Variants in ZEB1 observed in about 807,000 individuals in gnomAD.
ZEB1 encodes zinc finger E-box binding homeobox 1, also known as zinc finger E-box-binding homeobox 1.
In ZEB1, 21 loss-of-function variants were observed where a neutral mutation model predicts 84.9. That is an observed-to-expected ratio of 0.25 (90% CI 0.18 to 0.36). The LOEUF (loss-of-function observed/expected upper bound fraction) is 0.36. Ranked by LOEUF, ZEB1 falls within the 10% of genes least tolerant of loss-of-function variation. ZEB1 has a pLI of 1.00. For missense variants in ZEB1, 1,104 were observed against 1,330.2 expected (o/e 0.83, Z 2.65); for synonymous variants, 420 against 471.1 (o/e 0.89, Z 1.41).
At chr10:31,507,609 A>G (rs1034978789) in intron 4 of ZEB1, among the ~76,000 whole-genome samples, 2 of 151,738 alleles carry the variant, frequency 1.3e-5, no homozygotes, top group African/African-American at 4.8e-5. Context: ...GACCTAATCT[A>G]TTGCTGAAGC....
intron 1 of ZEB1, among the ~76,000 whole-genome samples, chr10:31,331,081 CTTTTTTTTTTTTTTTTTTT>C (rs548615284): frequency 1.3e-5 from 1 of 77,872 alleles, no homozygotes; most frequent in Admixed American, 1.3e-4. Context: ...TTCTTTCTTT[CTTTTTTTTTTTTTTTTTTT>C]TTTTTTTGAG....
intron 2 of ZEB1, among the ~76,000 whole-genome samples, chr10:31,469,577 C>T (rs1023373104): frequency 3.9e-5 from 6 of 152,198 alleles, no homozygotes; most frequent in Non-Finnish European, 8.8e-5. Flanking sequence ...CACGGAGTCT[C>T]GCTGATTGCT....
chr10:31,342,618 A>G (rs960586534), intron 1 of ZEB1, among the ~76,000 whole-genome samples: 6 of 152,176 alleles, frequency 3.9e-5, no homozygotes, highest in Non-Finnish European at 7.4e-5. Flanking sequence ...TTATGATACC[A>G]TCCTCATAAA....
intron 1 of ZEB1, among the ~76,000 whole-genome samples, chr10:31,364,640 G>A (rs1346586261): frequency 6.6e-6 from 1 of 152,200 alleles, no homozygotes; most frequent in Non-Finnish European, 1.5e-5. Context: ...TGACCTGACT[G>A]GATGCACCTC....
chr10:31,411,667 GAGAGAAATTTATAGCACTAAA>G (rs2054309012), intron 1 of ZEB1, among the ~76,000 whole-genome samples: 1 of 149,266 alleles, frequency 6.7e-6, no homozygotes, highest in East Asian at 2.0e-4. Context: ...GCAGCATTAG[GAGAGAAATTTATAGCACTAAA>G]TGCTATAAAT....
At chr10:31,438,513 C>T (rs1206006212) in intron 1 of ZEB1, among the ~76,000 whole-genome samples, 1 of 151,936 alleles carries the variant, frequency 6.6e-6, no homozygotes, top group East Asian at 1.9e-4. Flanking sequence ...TCCTATTCAC[C>T]GTGATAACAA....
intron 2 of ZEB1, among the ~76,000 whole-genome samples, chr10:31,465,399 G>T (rs1193711867): frequency 6.6e-6 from 1 of 151,242 alleles, no homozygotes; most frequent in Non-Finnish European, 1.5e-5. Context: ...AAGCCTTTTG[G>T]ATAATTAAAA....
intron 1 of ZEB1, among the ~76,000 whole-genome samples, chr10:31,356,482 C>T (rs868304541): frequency 2.6e-5 from 4 of 152,052 alleles, no homozygotes; most frequent in Non-Finnish European, 5.9e-5. Flanking sequence ...GAATTTAACC[C>T]TTTTGTTTCA....
intron 1 of ZEB1, chr10:31,320,375 C>T (rs919137362): frequency 6.6e-6 from 1 of 151,998 alleles, no homozygotes; most frequent in African/African-American, 2.4e-5. Context: ...GCGTGCGCCT[C>T]GCGCTTTTCT....
intron 7 of ZEB1, 47 bp from the exon 8 acceptor site, chr10:31,523,886 T>TAAAC (rs765142161): frequency 3.8e-6 from 6 of 1,593,030 alleles, no homozygotes; most frequent in Non-Finnish European, 4.3e-6. Context: ...ATCTCTTGTT[T>TAAAC]ATCTTTTAAT....
intron 1 of ZEB1, among the ~76,000 whole-genome samples, chr10:31,448,658 T>C (rs1261639413): frequency 6.6e-6 from 1 of 151,906 alleles, no homozygotes; most frequent in Admixed American, 6.6e-5. Flanking sequence ...GCAGGTCTGT[T>C]GGAATACCCT....
chr10:31,319,145 A>AG, upstream of ZEB1: 1 of 296,388 alleles, frequency 3.4e-6, no homozygotes, highest in Non-Finnish European at 5.4e-6. Context: ...TGCGGTGGGG[A>AG]GGGGGGAGGG....
intron 2 of ZEB1, among the ~76,000 whole-genome samples, chr10:31,465,803 A>T (rs942648128): frequency 4.6e-5 from 7 of 151,954 alleles, no homozygotes; most frequent in African/African-American, 1.7e-4. Context: ...AAAAACTTTC[A>T]TGGAAAGATG....
intron 1 of ZEB1, among the ~76,000 whole-genome samples, chr10:31,444,729 T>G (rs1477071544): frequency 6.6e-6 from 1 of 152,084 alleles, no homozygotes; most frequent in Admixed American, 6.5e-5. Flanking sequence ...GTCGTAGGTA[T>G]GCGGCGTTAT....
chr10:31,502,484 A>G lies in ZEB1; in HGVS notation c.459A>G (p.Pro153=), dbSNP rs750975461. Residue 153 remains proline, a synonymous_variant, in exon 4 of 9, where the codon CCA becomes CCG. Coordinates refer to ENST00000424869, the MANE Select transcript of ZEB1 (RefSeq NM_001174096.2). ...APEEDQRQGT[P]EASGHDENGT... ...AAGAGGACCAGAGGCAGGGCACACC[A>G]GAAGCCAGTGGTCATGATGAAAATG... The G allele has an allele frequency of 6.2e-7, 1 of 1,613,928 alleles. No individual in the cohort carries two copies. Among genetic ancestry groups the G allele is most frequent in the Non-Finnish European group, 8.5e-7 (1 of 1,179,804 alleles).
At chr10:31,523,654 G>T (rs1474906166) in intron 7 of ZEB1, among the ~76,000 whole-genome samples, 1 of 151,958 alleles carries the variant, frequency 6.6e-6, no homozygotes, top group Admixed American at 6.6e-5. Flanking sequence ...CTTTCTTTTC[G>T]GTGTCCTTGC....
At position 31,402,465 on chromosome 10, in the gene ZEB1, G is replaced by T. The variant is rs140673552; in HGVS notation, c.59-58572G>T. ...AATGATGAGTTTAGTTTGAAAGGAA[G>T]CCTGACTGAGTGGACACAGCCCCTG... On this transcript the variant is annotated intron_variant, in intron 1 of 8. Coordinates refer to ENST00000424869, the MANE Select transcript of ZEB1 (RefSeq NM_001174096.2). Among the ~76,000 whole-genome samples, 30 of 152,176 alleles carry T rather than the reference G, an allele frequency of 2.0e-4. No homozygotes were observed. The East Asian group carries it at 2.5e-3, about 13-fold the overall frequency.
intron 1 of ZEB1, among the ~76,000 whole-genome samples, chr10:31,364,664 C>T (rs1188594108): frequency 1.3e-5 from 2 of 152,230 alleles, no homozygotes; most frequent in African/African-American, 4.8e-5. Flanking sequence ...CCACATGCCT[C>T]CCTGGCAGGC....
chr10:31,506,160 T>C (rs1288655125), intron 4 of ZEB1, among the ~76,000 whole-genome samples: 1 of 152,058 alleles, frequency 6.6e-6, no homozygotes, highest in Non-Finnish European at 1.5e-5. Flanking sequence ...TTTAAAAATT[T>C]GTTTGAGACT....
Sources: allele counts gnomAD v4.1 joint callset (sites outside exome capture counted in the v4.1 genomes callset), GRCh38; gene constraint gnomAD v4.1.1; transcripts MANE v1.5; gene names NCBI Gene and HGNC (gene_info 2026-07-23, HGNC 2026-07-21).